SGCD: variants seen among roughly 807,000 people sequenced by gnomAD.
SGCD encodes sarcoglycan delta.
Under a neutral mutation model 36.6 loss-of-function variants are expected in SGCD, and 18 were observed. The observed-to-expected ratio is 0.49, with a 90% CI of 0.34 to 0.73. The LOEUF (loss-of-function observed/expected upper bound fraction) is 0.73. Among genes scored for constraint, SGCD ranks in the 30% least tolerant of loss-of-function variants. The pLI is 0.01. For missense variants in SGCD, 387 were observed against 346.7 expected, an observed-to-expected ratio of 1.12 and a Z score of -0.92; for synonymous variants, 133 against 130.6, an observed-to-expected ratio of 1.02 and a Z score of -0.12.
the SGCD span, among the ~76,000 whole-genome samples, chr5:155,775,959 C>A: frequency 6.6e-6 from 1 of 152,148 alleles, no homozygotes; most frequent in South Asian, 2.1e-4. Flanking sequence ...TTAATCAATG[C>A]ACTTTTGGTT....
chr5:156,333,054 GA>G (rs1303842023), intron 2 of SGCD, among the ~76,000 whole-genome samples: 2 of 152,158 alleles, frequency 1.3e-5, no homozygotes, highest in Non-Finnish European at 2.9e-5. Context: ...CTTGTTTCTA[GA>G]AACTTTGATT....
At chr5:156,156,580 C>T (rs190909637) in intron 3 of SGCD, among the ~76,000 whole-genome samples, 19 of 151,578 alleles carry the variant, frequency 1.3e-4, no homozygotes, top group Admixed American at 6.5e-4. Context: ...GCCAAGATCG[C>T]GCCACTGCAC....
At chr5:156,138,342 G>A (rs544021847) in intron 3 of SGCD, among the ~76,000 whole-genome samples, 26 of 152,234 alleles carry the variant, frequency 1.7e-4, no homozygotes, top group Non-Finnish European at 2.8e-4. Context: ...CAGAGGTTGC[G>A]GTGAGCTGAG....
the SGCD span, among the ~76,000 whole-genome samples, chr5:155,790,188 C>T: frequency 1.3e-5 from 2 of 151,940 alleles, no homozygotes; most frequent in African/African-American, 4.8e-5. Flanking sequence ...TAAGATATTA[C>T]CATAGGTCTT....
At chr5:156,027,713 T>A (rs1324577491) in intron 1 of SGCD, among the ~76,000 whole-genome samples, 1 of 152,218 alleles carries the variant, frequency 6.6e-6, no homozygotes, top group East Asian at 1.9e-4. Context: ...TTTTGTATAG[T>A]ACATCAGTCT....
intron 6 of SGCD, among the ~76,000 whole-genome samples, chr5:156,625,757 G>T (rs897181958): frequency 6.6e-6 from 1 of 152,170 alleles, no homozygotes; most frequent in Non-Finnish European, 1.5e-5. Flanking sequence ...TTCAGCTAGA[G>T]TATAACAAGA....
intron 7 of SGCD, among the ~76,000 whole-genome samples, chr5:156,669,746 A>G (rs899002780): frequency 2.0e-5 from 3 of 152,198 alleles, no homozygotes; most frequent in South Asian, 4.1e-4. Flanking sequence ...TTCAGAATCC[A>G]TTGTTAGGCA....
At chr5:156,076,510 G>A (rs1402795675) in intron 1 of SGCD, among the ~76,000 whole-genome samples, 1 of 152,122 alleles carries the variant, frequency 6.6e-6, no homozygotes, top group Non-Finnish European at 1.5e-5. Flanking sequence ...TTGAAGTGAG[G>A]AAAACAGACT....
intron 4 of SGCD, among the ~76,000 whole-genome samples, chr5:156,532,974 A>G (rs1416621019): frequency 2.0e-5 from 3 of 152,208 alleles, no homozygotes; most frequent in African/African-American, 7.2e-5. Context: ...ACATACATCT[A>G]ATACTCCAAC....
intron 3 of SGCD, among the ~76,000 whole-genome samples, chr5:156,143,138 GC>G (rs1762616136): frequency 6.6e-6 from 1 of 152,246 alleles, no homozygotes; most frequent in African/African-American, 2.4e-5. Flanking sequence ...TCCTACTCCA[GC>G]CTTGGCTCTA....
At chr5:155,740,076 T>G in the SGCD span, among the ~76,000 whole-genome samples, 1 of 152,214 alleles carries the variant, frequency 6.6e-6, no homozygotes, top group African/African-American at 2.4e-5. Context: ...TGCATTCATA[T>G]ATTTTTATTG....
In SGCD at chr5:156,133,580, C is replaced by A. The variant is rs556139998; in HGVS notation, c.-44+9561C>A. On this transcript the variant is annotated intron_variant, in intron 3 of 9. Coordinates refer to the SGCD transcript ENST00000517913. ...GGGCCCTTAAAATGCATGTAATGGG[C>A]CCAGTTCTAGTCCCAAGGTTTTTTG... 1.6e-4 allele frequency among the ~76,000 whole-genome samples: 25 copies of A among 152,210 alleles called. No homozygotes were observed. The South Asian group carries it at 4.6e-3, about 28-fold the overall frequency.
the SGCD span, among the ~76,000 whole-genome samples, chr5:155,789,422 T>C: frequency 6.6e-6 from 1 of 152,158 alleles, no homozygotes; most frequent in African/African-American, 2.4e-5. Context: ...GCTGGATTAA[T>C]GGAGACCCTC....
chr5:156,676,244 C>T (rs867306304), intron 7 of SGCD, among the ~76,000 whole-genome samples: 39 of 152,250 alleles, frequency 2.6e-4, no homozygotes, highest in Middle Eastern at 6.8e-3. Flanking sequence ...CTTGGGTAGA[C>T]TTTTGTCTCA....
chr5:155,856,789 A>G, the SGCD span, among the ~76,000 whole-genome samples: 17 of 152,218 alleles, frequency 1.1e-4, no homozygotes, highest in African/African-American at 4.1e-4. Context: ...GGAAAACTAC[A>G]ATGAGATACC....
chr5:156,477,049 G>GAAAAAAAAA (rs5872462), intron 3 of SGCD, among the ~76,000 whole-genome samples: 1 of 123,026 alleles, frequency 8.1e-6, no homozygotes. Flanking sequence ...AAGAGAAAAA[G>GAAAAAAAAA]AAAAAAAAAA....
At chr5:156,741,787 T>C (rs1380429429) in intron 7 of SGCD, among the ~76,000 whole-genome samples, 1 of 152,094 alleles carries the variant, frequency 6.6e-6, no homozygotes, top group East Asian at 1.9e-4. Context: ...GACAATCAGT[T>C]CCTCAATTGC....
intron 1 of SGCD, among the ~76,000 whole-genome samples, chr5:156,327,652 T>C (rs1327399099): frequency 1.3e-5 from 2 of 152,230 alleles, no homozygotes; most frequent in East Asian, 3.9e-4. Context: ...TTTTTTGTTG[T>C]TGTTGTTTTT....
At chr5:156,673,037 T>C (rs1753363512) in intron 7 of SGCD, among the ~76,000 whole-genome samples, 1 of 152,210 alleles carries the variant, frequency 6.6e-6, no homozygotes. Context: ...ACGTCTTCAT[T>C]TTTGGATTCA....
Sources: gnomAD v4.1 joint callset for allele counts (sites outside exome capture counted in the v4.1 genomes callset) on GRCh38, gnomAD v4.1.1 for gene constraint, MANE v1.5 for transcripts, NCBI Gene and HGNC (gene_info 2026-07-23, HGNC 2026-07-21) for gene names.